The following ADGRG5 variants were observed in gnomAD, a reference collection of about 807,000 sequenced individuals.
The protein encoded by ADGRG5 is G protein-coupled receptor 114.
A neutral mutation model predicts 53.2 loss-of-function variants in ADGRG5; 37 were observed. The observed-to-expected ratio is 0.70, with a 90% confidence interval of 0.53 to 0.91. ADGRG5 has a LOEUF of 0.91. ADGRG5 is among the 40% of genes least tolerant of loss of function. The pLI is 0.00. For missense variants in ADGRG5, 614 were observed against 675.8 expected, an observed-to-expected ratio of 0.91 and a Z score of 1.01; for synonymous variants, 277 against 290.4, an observed-to-expected ratio of 0.95 and a Z score of 0.47.
chr16:57,546,569 AACATT>A (rs1286098917), intron 1 of ADGRG5, among the ~76,000 whole-genome samples: 1 of 152,224 alleles, frequency 6.6e-6, no homozygotes, highest in African/African-American at 2.4e-5. Context: ...CTTGTCTTTT[AACATT>A]ACATATGGCC....
intron 1 of ADGRG5, among the ~76,000 whole-genome samples, chr16:57,544,160 TG>T (rs1198795517): frequency 6.6e-6 from 1 of 152,184 alleles, no homozygotes; most frequent in Non-Finnish European, 1.5e-5. Context: ...CCCTGGACCG[TG>T]GAGGCCTGGG....
At chr16:57,538,965 C>T (rs563716643), upstream of ADGRG5, among the ~76,000 whole-genome samples, 14 of 152,220 alleles carry the variant, frequency 9.2e-5, no homozygotes, top group African/African-American at 3.4e-4. Context: ...AATAAAACAA[C>T]GTTAGTAAAG....
chr16:57,554,646 G>A (rs915193771), intron 1 of ADGRG5, among the ~76,000 whole-genome samples: 1 of 152,068 alleles, frequency 6.6e-6, no homozygotes, highest in Admixed American at 6.5e-5. Context: ...AAAGTGCTGG[G>A]ATTACAGGTG....
At chr16:57,550,070 G>A (rs535797462) in intron 1 of ADGRG5, among the ~76,000 whole-genome samples, 46 of 152,112 alleles carry the variant, frequency 3.0e-4, no homozygotes, top group Non-Finnish European at 4.7e-4. Context: ...TCCTCCTCCT[G>A]GGTTGAAGCA....
chr16:57,531,539 C>A, the ADGRG5 span, among the ~76,000 whole-genome samples: 1 of 152,334 alleles, frequency 6.6e-6, no homozygotes, highest in Middle Eastern at 3.4e-3. Flanking sequence ...TCAACAGCAA[C>A]AGCCAGAGTG....
chr16:57,563,789 T>C (rs2033062420), intron 4 of ADGRG5, 59 bp from the exon 5 acceptor site: 1 of 1,607,174 alleles, frequency 6.2e-7, no homozygotes, highest in Non-Finnish European at 8.5e-7. Context: ...GCAGTGAAGG[T>C]GTTGGGGTCA....
chr16:57,531,067 C>T, the ADGRG5 span, among the ~76,000 whole-genome samples: 3 of 151,974 alleles, frequency 2.0e-5, no homozygotes, highest in African/African-American at 7.3e-5. Flanking sequence ...CCCTGGGCCC[C>T]CTTCTCCTCT....
intron 1 of ADGRG5, among the ~76,000 whole-genome samples, chr16:57,547,056 G>T (rs2032636011): frequency 6.6e-6 from 1 of 152,128 alleles, no homozygotes; most frequent in African/African-American, 2.4e-5. Flanking sequence ...TTTTTTTCAA[G>T]AATGGGATTA....
chr16:57,532,631 T>C, the ADGRG5 span, among the ~76,000 whole-genome samples: 3 of 151,394 alleles, frequency 2.0e-5, no homozygotes, highest in African/African-American at 7.3e-5. Context: ...AAGACACACA[T>C]ATGCCAGCAC....
chr16:57,564,314 T>A (rs937391685), intron 5 of ADGRG5, among the ~76,000 whole-genome samples: 18 of 139,190 alleles, frequency 1.3e-4, no homozygotes, highest in Non-Finnish European at 2.1e-4. Flanking sequence ...CCTTACAGAT[T>A]TTTTTTTTTT....
intron 1 of ADGRG5, among the ~76,000 whole-genome samples, chr16:57,556,570 T>C (rs924969551): frequency 3.3e-5 from 5 of 152,220 alleles, no homozygotes; most frequent in Non-Finnish European, 7.3e-5. Flanking sequence ...AAAATGTAGT[T>C]TAAGAACCTC....
At chr16:57,542,255 A>G (rs1464322820), upstream of ADGRG5, among the ~76,000 whole-genome samples, 1 of 152,236 alleles carries the variant, frequency 6.6e-6, no homozygotes. Flanking sequence ...ATCAATTGTC[A>G]GGTCAGGCAG....
chr16:57,540,232 G>T (rs1274588173), upstream of ADGRG5, among the ~76,000 whole-genome samples: 1 of 152,088 alleles, frequency 6.6e-6, no homozygotes, highest in Non-Finnish European at 1.5e-5. Context: ...ACAGAGTGAG[G>T]CTCTGTCTCA....
At chr16:57,548,055 A>G (rs193277793) in intron 1 of ADGRG5, among the ~76,000 whole-genome samples, 1 of 151,716 alleles carries the variant, frequency 6.6e-6, no homozygotes, top group African/African-American at 2.4e-5. Context: ...GCCTCAAAAT[A>G]TTTTTTAGAG....
rs1196518534 is a variant in ADGRG5, at chr16:57,576,992, T to C, written c.*1454T>C. 1 of 152,372 alleles carries C rather than the reference T, an allele frequency of 6.6e-6. No homozygotes were observed. Among genetic ancestry groups the C allele is most frequent in the South Asian group, 2.1e-4 (1 of 4,834 alleles). 9.4% of individuals were successfully genotyped at this position (152,372 alleles called of 1,614,324 possible). On this transcript the variant is annotated 3_prime_UTR_variant, in exon 12 of 12. Coordinates refer to ENST00000349457, the MANE Select transcript of ADGRG5 (RefSeq NM_001304376.3). ...CTCCTTCACCAGGCAGTGAGTGGCGTAGGCTCTGGAGCCAGGCTGCCTGGG... is the reference window on the plus strand; with the variant it reads ...CTCCTTCACCAGGCAGTGAGTGGCGCAGGCTCTGGAGCCAGGCTGCCTGGG...
chr16:57,538,419 C>T (rs2032439643), upstream of ADGRG5, among the ~76,000 whole-genome samples: 1 of 152,092 alleles, frequency 6.6e-6, no homozygotes, highest in African/African-American at 2.4e-5. Context: ...AGCGTGGGAA[C>T]ATAGGGACAC....
the ADGRG5 span, among the ~76,000 whole-genome samples, chr16:57,530,757 T>A: frequency 5.3e-3 from 800 of 152,108 alleles, 8 homozygotes; most frequent in African/African-American, 0.018. Flanking sequence ...CCTGCTGAAG[T>A]GTCTCCTGAC....
chr16:57,574,984 C>G lies in ADGRG5; in HGVS notation c.1378C>G (p.Leu460Val). The G allele has an allele frequency of 6.2e-7, 1 of 1,613,942 alleles. No individual in the cohort carries two copies. Among genetic ancestry groups the G allele is most frequent in the Non-Finnish European group, 8.5e-7 (1 of 1,180,016 alleles). The change falls in exon 11 of 12, where the codon CTG (leucine) becomes GTG (valine). Residue 460 changes from leucine (L) to valine (V), a missense_variant. By Grantham distance (32) the Leu-to-Val change is conservative. Coordinates refer to ENST00000349457, the MANE Select transcript of ADGRG5 (RefSeq NM_001304376.3). The surrounding 1 kb of genome is among the most constrained non-coding windows in gnomAD (Gnocchi z 4.4). ...GGCCTGCCATGACACTGTCACTGTG[C>G]TGGGCCTCACCGTGCTGCTGGGAAC... The part of the protein sequence containing the change: ...VRACHDTVTV[L>V]GLTVLLGTTW...
upstream of ADGRG5, among the ~76,000 whole-genome samples, chr16:57,539,422 G>A (rs563486794): frequency 6.7e-6 from 1 of 150,224 alleles, no homozygotes; most frequent in East Asian, 2.0e-4. Context: ...GCATGACAGT[G>A]TAAAGGTAGA....
Sources: gnomAD v4.1 joint callset for allele counts (sites outside exome capture counted in the v4.1 genomes callset) on GRCh38, gnomAD v4.1.1 for gene constraint, Gnocchi (gnomAD v3.1) non-coding constraint, MANE v1.5 for transcripts, NCBI Gene and HGNC (gene_info 2026-07-23, HGNC 2026-07-21) for gene names.